Variants in ERC2 observed in about 807,000 individuals in gnomAD.
ERC2 encodes the protein ERC protein 2.
ERC2 carries 42 observed loss-of-function variants against 114.8 expected under a neutral mutation model. The ratio of observed to expected loss-of-function variants is 0.37; its 90% CI spans 0.29 to 0.47. ERC2 has a LOEUF of 0.47. ERC2 is among the 20% of genes least tolerant of loss of function. The pLI is 0.99. For missense variants in ERC2, 939 were observed against 1,150.7 expected (o/e 0.82, Z 2.66); for synonymous variants, 454 against 425.5 (o/e 1.07, Z -0.82).
intron 2 of ERC2, among the ~76,000 whole-genome samples, chr3:56,357,625 G>A (rs1479858182): frequency 2.0e-5 from 3 of 151,836 alleles, no homozygotes; most frequent in Admixed American, 1.3e-4. Context: ...GGGTCTCACA[G>A]ACTGGCAGTC....
chr3:56,445,141 A>G (rs2062501810), intron 1 of ERC2, among the ~76,000 whole-genome samples: 1 of 152,232 alleles, frequency 6.6e-6, no homozygotes, highest in South Asian at 2.1e-4. Context: ...CTACATGGCA[A>G]TAACTGGTTG....
intron 17 of ERC2, among the ~76,000 whole-genome samples, chr3:55,609,868 A>T (rs1012122722): frequency 2.0e-5 from 3 of 151,944 alleles, no homozygotes; most frequent in Non-Finnish European, 4.4e-5. Flanking sequence ...TGGAGCTCAG[A>T]CAGCTGTTGG....
intron 17 of ERC2, among the ~76,000 whole-genome samples, chr3:55,640,014 G>A (rs1266437634): frequency 6.6e-6 from 1 of 152,146 alleles, no homozygotes; most frequent in African/African-American, 2.4e-5. Context: ...TGTCAATGTC[G>A]GAGGGAGCAG....
chr3:56,466,907 T>C (rs146255098), intron 1 of ERC2, among the ~76,000 whole-genome samples: 82 of 152,154 alleles, frequency 5.4e-4, no homozygotes, highest in African/African-American at 1.9e-3. Context: ...TCTGGAGAAA[T>C]AGGTGGGCAA....
intron 14 of ERC2, among the ~76,000 whole-genome samples, chr3:55,836,538 A>G (rs933795698): frequency 2.0e-5 from 3 of 152,214 alleles, no homozygotes; most frequent in African/African-American, 7.2e-5. Flanking sequence ...TGCTGGGAAA[A>G]CTGGCTAGCC....
At chr3:56,331,174 AG>A (rs2150456174) in intron 2 of ERC2, among the ~76,000 whole-genome samples, 1 of 152,324 alleles carries the variant, frequency 6.6e-6, no homozygotes, top group East Asian at 1.9e-4. Context: ...AGTCTTAGCA[AG>A]AATCTCACAA....
chr3:55,601,778 G>C (rs28671149), intron 17 of ERC2, among the ~76,000 whole-genome samples: 3,311 of 152,320 alleles, frequency 0.022, 129 homozygotes, highest in African/African-American at 0.075. Context: ...AGTGAGCCAT[G>C]TTCACACCAC....
chr3:56,241,424 T>C (rs568337325), intron 3 of ERC2, among the ~76,000 whole-genome samples: 2 of 152,184 alleles, frequency 1.3e-5, no homozygotes, highest in Admixed American at 1.3e-4. Context: ...GGAGAAAAGG[T>C]ACGCCTTATA....
At chr3:55,881,305 T>G (rs1049710563) in intron 14 of ERC2, among the ~76,000 whole-genome samples, 6 of 152,104 alleles carry the variant, frequency 3.9e-5, no homozygotes, top group African/African-American at 1.4e-4. Flanking sequence ...AATAATCCAG[T>G]GTATACAAAG....
At chr3:55,548,060 A>C (rs78234512) in intron 17 of ERC2, among the ~76,000 whole-genome samples, 1,946 of 152,294 alleles carry the variant, frequency 0.013, 40 homozygotes, top group African/African-American at 0.045. Flanking sequence ...GGGGCTGGGG[A>C]AGCAGCTGGT....
intron 5 of ERC2, among the ~76,000 whole-genome samples, chr3:56,143,193 T>C (rs982275376): frequency 1.3e-5 from 2 of 152,194 alleles, no homozygotes; most frequent in East Asian, 3.9e-4. Context: ...CTTCATGTGG[T>C]GGTGGTAATA....
intron 3 of ERC2, among the ~76,000 whole-genome samples, chr3:56,239,877 C>T (rs1394302665): frequency 6.6e-6 from 1 of 152,212 alleles, no homozygotes; most frequent in Non-Finnish European, 1.5e-5. Flanking sequence ...GCAGAACCTC[C>T]TCCTCCAATG....
intron 13 of ERC2, among the ~76,000 whole-genome samples, chr3:55,917,806 G>A (rs192042948): frequency 6.6e-6 from 1 of 152,088 alleles, no homozygotes; most frequent in African/African-American, 2.4e-5. Flanking sequence ...TCTCAATAAG[G>A]CTGCTACATA....
intron 4 of ERC2, among the ~76,000 whole-genome samples, chr3:56,171,743 G>T (rs1332146979): frequency 1.3e-5 from 2 of 151,156 alleles, no homozygotes; most frequent in East Asian, 3.9e-4. Context: ...CACAAAAAAA[G>T]GTACCAATTA....
intron 1 of ERC2, among the ~76,000 whole-genome samples, chr3:56,445,438 T>C (rs1878269): frequency 0.83 from 126,995 of 152,222 alleles, 53,282 homozygotes; most frequent in East Asian, 0.93. Context: ...CTTGAACCAA[T>C]GTGACTCTTG....
intron 4 of ERC2, among the ~76,000 whole-genome samples, chr3:56,163,031 T>G (rs1162763262): frequency 6.6e-6 from 1 of 152,122 alleles, no homozygotes; most frequent in Non-Finnish European, 1.5e-5. Context: ...TTAACACTGC[T>G]TTTGCTCTGT....
intron 17 of ERC2, among the ~76,000 whole-genome samples, chr3:55,623,904 T>C (rs2059413484): frequency 6.6e-6 from 1 of 152,248 alleles, no homozygotes; most frequent in South Asian, 2.1e-4. Flanking sequence ...TATGTTCAAG[T>C]GCTATTTCTT....
rs2054130546 is a variant in ERC2 at position 56,278,214 on chromosome 3, G to C, written c.1074+17805C>G. On this transcript the variant is annotated intron_variant, in intron 3 of 17. Coordinates refer to ENST00000288221, the MANE Select transcript of ERC2 (RefSeq NM_015576.3). ...CCCAGAGCAGAGTTCAGACTGGTGG[G>C]ATCAACAGTATTCAATAAAATGACC... Among the ~76,000 whole-genome samples, 4 of 152,150 alleles carry C rather than the reference G, an allele frequency of 2.6e-5. No individual in the cohort carries two copies. In the South Asian group the frequency reaches 8.3e-4, roughly 32 times the overall value.
chr3:55,734,621 A>G, intron 15 of ERC2, 150 bp downstream of exon 15: 1 of 830,858 alleles, frequency 1.2e-6, no homozygotes, highest in Non-Finnish European at 1.8e-6. Context: ...ATGGTGTTGC[A>G]GCGACAACTG....
Sources: allele counts gnomAD v4.1 joint callset (sites outside exome capture counted in the v4.1 genomes callset), GRCh38; gene constraint gnomAD v4.1.1; transcripts MANE v1.5; gene names NCBI Gene and HGNC (gene_info 2026-07-23, HGNC 2026-07-21).